ZDHHC15: variants seen among roughly 807,000 people sequenced by gnomAD.
The protein encoded by ZDHHC15 is zDHHC palmitoyltransferase 15.
In ZDHHC15, 19 loss-of-function variants were observed where a neutral mutation model predicts 31.7. The observed-to-expected ratio is 0.60, with a 90% confidence interval of 0.42 to 0.88. The LOEUF is 0.88. Among genes scored for constraint, ZDHHC15 ranks in the 40% least tolerant of loss-of-function variants. The pLI, the probability that ZDHHC15 is intolerant of heterozygous loss-of-function variation, is 0.00. For synonymous variants in ZDHHC15, 103 were observed against 90.0 expected, an observed-to-expected ratio of 1.14 and a Z score of -0.82; for missense variants, 209 against 251.2, an observed-to-expected ratio of 0.83 and a Z score of 1.14.
chrX:75,441,222 G>A (rs899271805), intron 4 of ZDHHC15, among the ~76,000 whole-genome samples: 1 of 111,483 alleles, frequency 9.0e-6, no homozygotes, highest in African/African-American at 3.3e-5. Flanking sequence ...ATGCTCAGTT[G>A]AAATTATTAC....
At chrX:75,501,275 G>T (rs749664732) in intron 2 of ZDHHC15, among the ~76,000 whole-genome samples, 2 of 111,197 alleles carry the variant, frequency 1.8e-5, no homozygotes, top group Admixed American at 9.6e-5. Context: ...TCCCACAAAA[G>T]ACATGATCTC....
At chrX:75,459,048 C>T (rs1344537174) in intron 3 of ZDHHC15, among the ~76,000 whole-genome samples, 2 of 106,338 alleles carry the variant, frequency 1.9e-5, no homozygotes, top group African/African-American at 6.8e-5. Flanking sequence ...ATGATTGTGC[C>T]ACCCTGCTCA....
rs1463471555 is a variant in ZDHHC15, at chrX:75,370,806, A to C, written c.*2172T>G. ...CTTGGGCTCCCAAAATGTTGGGATTACAGGTGTGAGCCACTGCGCCCAGCC... is the reference window on the plus strand; with the variant it reads ...CTTGGGCTCCCAAAATGTTGGGATTCCAGGTGTGAGCCACTGCGCCCAGCC... On this transcript the variant is annotated 3_prime_UTR_variant, in exon 12 of 12. Coordinates refer to ENST00000373367, the MANE Select transcript of ZDHHC15 (RefSeq NM_144969.3). 3 of 112,017 alleles carry C rather than the reference A, an allele frequency of 2.7e-5. No individual in the cohort carries two copies. Among genetic ancestry groups the C allele is most frequent in the Non-Finnish European group, 5.6e-5 (3 of 53,267 alleles). The allele number at this position is 112,017 out of a possible 1,213,427, so 9.2% of individuals were successfully genotyped here.
intron 3 of ZDHHC15, among the ~76,000 whole-genome samples, chrX:75,453,269 C>A (rs2084155323): frequency 8.9e-6 from 1 of 111,832 alleles, no homozygotes; most frequent in African/African-American, 3.2e-5. Flanking sequence ...CACCTCTACA[C>A]AAATAAACTA....
At chrX:75,504,082 C>G (rs2148044470) in intron 2 of ZDHHC15, among the ~76,000 whole-genome samples, 1 of 111,350 alleles carries the variant, frequency 9.0e-6, no homozygotes, top group African/African-American at 3.3e-5. Flanking sequence ...CTCATCTTAA[C>G]TTGATTATAT....
chrX:75,477,485 G>T (rs2084623812), intron 3 of ZDHHC15, among the ~76,000 whole-genome samples: 1 of 111,485 alleles, frequency 9.0e-6, no homozygotes, highest in South Asian at 3.7e-4. Flanking sequence ...AACTGTTATT[G>T]TGTATTTTTT....
intron 4 of ZDHHC15, among the ~76,000 whole-genome samples, chrX:75,447,349 G>C (rs2084048396): frequency 8.9e-6 from 1 of 112,258 alleles, no homozygotes; most frequent in African/African-American, 3.2e-5. Context: ...GCCATCGATG[G>C]ACTTACAAAA....
Position 75,505,867 on chromosome X carries a change from A to T in ZDHHC15, c.137-20T>A, listed in dbSNP as rs774698064. 1 of 1,176,474 alleles carries T rather than the reference A, an allele frequency of 8.5e-7. No homozygotes were observed. The highest frequency in any genetic ancestry group is 1.2e-6 in the Non-Finnish European group (1 of 863,884). On this transcript the variant is annotated intron_variant, in intron 1 of 11. Coordinates refer to ENST00000373367, the MANE Select transcript of ZDHHC15 (RefSeq NM_144969.3). ...CAGTCACTGTGAAGAGACAGGAGAA[A>T]GAGAGACAGACAGACAGACAGAGAT...
intron 1 of ZDHHC15, among the ~76,000 whole-genome samples, chrX:75,522,610 A>C (rs749443486): frequency 9.9e-5 from 11 of 110,764 alleles, no homozygotes; most frequent in Non-Finnish European, 2.1e-4. Context: ...CCTGTATGAG[A>C]AAAGGGAGCC....
chrX:75,520,433 T>C (rs2085426352), intron 1 of ZDHHC15, among the ~76,000 whole-genome samples: 1 of 111,974 alleles, frequency 8.9e-6, no homozygotes. Context: ...TGAATTAATA[T>C]ATAGTTAATC....
intron 4 of ZDHHC15, 67 bp downstream of exon 4, chrX:75,450,735 A>G (rs1250725629): frequency 8.3e-7 from 1 of 1,209,423 alleles, no homozygotes; most frequent in East Asian, 3.0e-5. Context: ...GTTTGAGAAC[A>G]TATATGACTT....
intron 2 of ZDHHC15, among the ~76,000 whole-genome samples, chrX:75,482,498 T>C (rs2084706751): frequency 9.0e-6 from 1 of 111,544 alleles, no homozygotes; most frequent in Admixed American, 9.6e-5. Flanking sequence ...CTTCCAGGTA[T>C]CCTAATTTCT....
chrX:75,487,169 G>A (rs2084791700), intron 2 of ZDHHC15, among the ~76,000 whole-genome samples: 1 of 111,857 alleles, frequency 8.9e-6, no homozygotes, highest in Admixed American at 9.5e-5. Context: ...TGGCTAACTA[G>A]AGGTCCTGAG....
At position 75,379,157 on chromosome X, in the gene ZDHHC15, T is replaced by C; in HGVS notation, c.1009A>G (p.Thr337Ala). Reference sequence around the variant, plus strand: ...TGCAGGAAATGTGAAAACTGCTATGTTTCCGTTTCCACAGCAAGAGATGAT... The same window carrying C: ...TGCAGGAAATGTGAAAACTGCTATGCTTCCGTTTCCACAGCAAGAGATGAT... ...GSSSLAVETET is the reference protein window; with the variant it reads ...GSSSLAVETEA Residue 337 changes from threonine to alanine, a missense_variant, in exon 11 of 12, where the codon ACA (threonine) becomes GCA (alanine). Physicochemically the swap from Thr to Ala is moderately conservative, Grantham distance 58. Transcript: ENST00000373367. 8.3e-7 allele frequency: 1 copy of C among 1,211,407 alleles called. No individual in the cohort carries two copies. The highest frequency in any genetic ancestry group is 2.3e-4 in the Middle Eastern group (1 of 4,350).
chrX:75,472,720 T>C (rs1270272769), intron 3 of ZDHHC15, among the ~76,000 whole-genome samples: 1 of 112,020 alleles, frequency 8.9e-6, no homozygotes, highest in Non-Finnish European at 1.9e-5. Context: ...CATCGCCCAA[T>C]GGGCCCATGA....
chrX:75,482,724 C>T (rs890250560), intron 2 of ZDHHC15, among the ~76,000 whole-genome samples: 1 of 111,211 alleles, frequency 9.0e-6, no homozygotes, highest in African/African-American at 3.3e-5. Context: ...TGGTGAATGA[C>T]ATCAAGCTAC....
chrX:75,457,887 T>C (rs1157803415), intron 3 of ZDHHC15, among the ~76,000 whole-genome samples: 1 of 111,878 alleles, frequency 8.9e-6, no homozygotes, highest in Non-Finnish European at 1.9e-5. Context: ...TAGGAGGGTG[T>C]GAATGGGTTA....
chrX:75,477,661 A>G (rs1383939188), intron 3 of ZDHHC15, among the ~76,000 whole-genome samples: 2 of 111,667 alleles, frequency 1.8e-5, no homozygotes, highest in Non-Finnish European at 3.8e-5. Flanking sequence ...GTTGTATGAT[A>G]TTAATATAAC....
chrX:75,369,875 A>G lies in ZDHHC15; in HGVS notation c.*3103T>C, dbSNP rs1489767023. 3 of 111,867 alleles carry G rather than the reference A, an allele frequency of 2.7e-5. No individual in the cohort carries two copies. Among genetic ancestry groups the G allele is most frequent in the Non-Finnish European group, 3.8e-5 (2 of 53,241 alleles). 9.2% of individuals were successfully genotyped at this position (111,867 alleles called of 1,213,427 possible). A position where few individuals can be genotyped will look rare whatever the true frequency, so the allele number is the denominator to read the frequency against. ...CCAAGTTACTTTAACAATGTACTGA[A>G]CATGGTAACTGTGAGCCCTGCATAA... On this transcript the variant is annotated 3_prime_UTR_variant, in exon 12 of 12. Transcript: ENST00000373367.
Sources: gnomAD v4.1 joint callset for allele counts (sites outside exome capture counted in the v4.1 genomes callset) on GRCh38, gnomAD v4.1.1 for gene constraint, MANE v1.5 for transcripts, NCBI Gene and HGNC (gene_info 2026-07-23, HGNC 2026-07-21) for gene names.